ADAMTS12: variants seen among roughly 807,000 people sequenced by gnomAD.
ADAMTS12 encodes the protein ADAM metallopeptidase with thrombospondin type 1 motif 12.
In ADAMTS12, 118 loss-of-function variants were observed where a neutral mutation model predicts 167.8. The observed-to-expected ratio is 0.70, with a 90% CI of 0.61 to 0.82. The LOEUF (loss-of-function observed/expected upper bound fraction) is 0.82. Ranked by LOEUF, ADAMTS12 falls within the 40% of genes least tolerant of loss-of-function variation. ADAMTS12 has a pLI of 0.00. For missense variants in ADAMTS12, 1,916 were observed against 1,998.8 expected, an observed-to-expected ratio of 0.96 and a Z score of 0.79; for synonymous variants, 704 against 716.9, an observed-to-expected ratio of 0.98 and a Z score of 0.29.
At chr5:33,758,047 G>A (rs1156681114) in intron 2 of ADAMTS12, among the ~76,000 whole-genome samples, 4 of 152,128 alleles carry the variant, frequency 2.6e-5, no homozygotes, top group African/African-American at 9.7e-5. Flanking sequence ...AATACTGATA[G>A]TAATTTATTA....
At chr5:33,867,499 C>T (rs1749866795) in intron 2 of ADAMTS12, among the ~76,000 whole-genome samples, 2 of 152,154 alleles carry the variant, frequency 1.3e-5, no homozygotes, top group South Asian at 4.1e-4. Flanking sequence ...AAAAAAACCA[C>T]ATATTGGATG....
At chr5:33,828,894 C>T (rs947535882) in intron 2 of ADAMTS12, among the ~76,000 whole-genome samples, 3 of 152,088 alleles carry the variant, frequency 2.0e-5, no homozygotes, top group African/African-American at 7.2e-5. Flanking sequence ...CTCTTTCGCC[C>T]CTGTGTTGCA....
chr5:33,679,030 AATGTC>A (rs1742017275), intron 5 of ADAMTS12, among the ~76,000 whole-genome samples: 1 of 152,188 alleles, frequency 6.6e-6, no homozygotes, highest in Non-Finnish European at 1.5e-5. Flanking sequence ...AAAGGATGAT[AATGTC>A]ATGTGCAGAC....
intron 13 of ADAMTS12, among the ~76,000 whole-genome samples, chr5:33,624,696 G>A (rs1739497917): frequency 6.6e-6 from 1 of 152,146 alleles, no homozygotes; most frequent in Non-Finnish European, 1.5e-5. Context: ...TTTCAGATGT[G>A]TTCTCATCCT....
intron 3 of ADAMTS12, among the ~76,000 whole-genome samples, chr5:33,698,765 C>T (rs901111858): frequency 6.6e-6 from 1 of 152,198 alleles, no homozygotes; most frequent in Non-Finnish European, 1.5e-5. Context: ...TGATGAAACC[C>T]CGTCTCTACT....
intron 2 of ADAMTS12, among the ~76,000 whole-genome samples, chr5:33,784,741 C>A (rs766793722): frequency 3.3e-5 from 5 of 152,048 alleles, no homozygotes; most frequent in Middle Eastern, 6.8e-3. Context: ...ATTAAAGACT[C>A]AAGTCTGGGA....
chr5:33,797,816 G>C (rs774788659), intron 2 of ADAMTS12, among the ~76,000 whole-genome samples: 48 of 152,192 alleles, frequency 3.2e-4, no homozygotes, highest in Non-Finnish European at 6.0e-4. Flanking sequence ...GTACTAAATA[G>C]AGAGCATAGC....
intron 5 of ADAMTS12, among the ~76,000 whole-genome samples, chr5:33,672,981 T>C (rs534243962): frequency 1.3e-5 from 2 of 152,360 alleles, no homozygotes; most frequent in African/African-American, 4.8e-5. Context: ...TTCCAAACTA[T>C]TGAGGACTTC....
intron 2 of ADAMTS12, among the ~76,000 whole-genome samples, chr5:33,815,602 AAAG>A (rs1238727552): frequency 1.3e-5 from 2 of 152,248 alleles, no homozygotes; most frequent in Non-Finnish European, 2.9e-5. Flanking sequence ...TCAGCTAAAA[AAAG>A]AAGATTTTAG....
chr5:33,776,191 T>C (rs937484982), intron 2 of ADAMTS12, among the ~76,000 whole-genome samples: 1 of 152,172 alleles, frequency 6.6e-6, no homozygotes, highest in Non-Finnish European at 1.5e-5. Context: ...TAAGGTAACA[T>C]TGAAATTGAA....
intron 2 of ADAMTS12, among the ~76,000 whole-genome samples, chr5:33,820,523 T>A (rs1047808353): frequency 2.0e-5 from 3 of 152,184 alleles, no homozygotes; most frequent in Non-Finnish European, 2.9e-5. Flanking sequence ...GTAGAGGAGA[T>A]AATAAACTGT....
At chr5:33,547,061 C>T (rs1745019415) in intron 21 of ADAMTS12, among the ~76,000 whole-genome samples, 1 of 152,152 alleles carries the variant, frequency 6.6e-6, no homozygotes, top group Non-Finnish European at 1.5e-5. Flanking sequence ...CACAATATTC[C>T]AGCTTTGAGA....
At chr5:33,602,805 G>A (rs1214878249) in intron 16 of ADAMTS12, among the ~76,000 whole-genome samples, 1 of 152,214 alleles carries the variant, frequency 6.6e-6, no homozygotes, top group East Asian at 1.9e-4. Context: ...TCAGTAAACA[G>A]AAGTATCTGC....
chr5:33,716,960 T>C (rs1173597809), intron 3 of ADAMTS12, among the ~76,000 whole-genome samples: 1 of 152,146 alleles, frequency 6.6e-6, no homozygotes, highest in Non-Finnish European at 1.5e-5. Context: ...AGGGGCATTG[T>C]ACTTTCCAAA....
chr5:33,575,919 A>T, intron 19 of ADAMTS12, 135 bp downstream of exon 19: 2 of 1,270,226 alleles, frequency 1.6e-6, no homozygotes, highest in Non-Finnish European at 2.1e-6. Context: ...AGGGGAGGGC[A>T]TGGGTCTGAT....
intron 3 of ADAMTS12, among the ~76,000 whole-genome samples, chr5:33,701,664 T>A (rs1183120967): frequency 6.6e-6 from 1 of 152,156 alleles, no homozygotes; most frequent in African/African-American, 2.4e-5. Context: ...GGCAAAGGTA[T>A]CTTGAGATTG....
chr5:33,605,973 A>T (rs916934139), intron 16 of ADAMTS12, among the ~76,000 whole-genome samples: 5 of 151,706 alleles, frequency 3.3e-5, no homozygotes, highest in African/African-American at 9.7e-5. Context: ...TTTGAGATGG[A>T]GTCTCACTCT....
chr5:33,791,058 C>T (rs909570745), intron 2 of ADAMTS12, among the ~76,000 whole-genome samples: 2 of 152,070 alleles, frequency 1.3e-5, no homozygotes, highest in Non-Finnish European at 2.9e-5. Context: ...AGATCTAAAA[C>T]CACTCCAGGA....
chr5:33,647,473 G>A (rs1470005813), intron 9 of ADAMTS12, among the ~76,000 whole-genome samples: 1 of 152,176 alleles, frequency 6.6e-6, no homozygotes, highest in African/African-American at 2.4e-5. Flanking sequence ...GTTCATTCTT[G>A]TAATCCCAGC....
Sources: gnomAD v4.1 joint callset for allele counts (sites outside exome capture counted in the v4.1 genomes callset) on GRCh38, gnomAD v4.1.1 for gene constraint, MANE v1.5 for transcripts, NCBI Gene and HGNC (gene_info 2026-07-23, HGNC 2026-07-21) for gene names.